The following AVEN variants were observed in gnomAD, a reference collection of about 807,000 sequenced individuals.
AVEN encodes the protein cell death regulator Aven.
A neutral mutation model predicts 38.1 loss-of-function variants in AVEN; 41 were observed. That is an observed-to-expected ratio of 1.08 (90% CI 0.84 to 1.40). The LOEUF (loss-of-function observed/expected upper bound fraction) is 1.40, where lower values mean the gene tolerates loss of function less well. Among genes scored for constraint, AVEN ranks in the 40% most tolerant of loss-of-function variants. The pLI is 0.00. For missense variants in AVEN, 605 were observed against 438.8 expected, an observed-to-expected ratio of 1.38 and a Z score of -3.38; for synonymous variants, 206 against 171.8, an observed-to-expected ratio of 1.20 and a Z score of -1.56.
intron 2 of AVEN, among the ~76,000 whole-genome samples, chr15:33,894,434 G>A (rs1435254804): frequency 1.3e-5 from 2 of 150,510 alleles, no homozygotes; most frequent in African/African-American, 4.9e-5. Context: ...TGAAACCACT[G>A]ACAGCTAATA....
At chr15:34,018,860 A>T (rs1226259501) in intron 1 of AVEN, among the ~76,000 whole-genome samples, 2 of 89,518 alleles carry the variant, frequency 2.2e-5, no homozygotes, top group East Asian at 2.6e-4. Context: ...CAGAGTGCTG[A>T]TCAGTGCATT....
downstream of AVEN, among the ~76,000 whole-genome samples, chr15:33,861,420 C>T (rs1888159833): frequency 6.6e-6 from 1 of 152,048 alleles, no homozygotes; most frequent in Admixed American, 6.5e-5. Context: ...CCATCCGGGA[C>T]ACATACCTCC....
chr15:34,008,438 A>G (rs1338816655), intron 1 of AVEN, among the ~76,000 whole-genome samples: 2 of 151,062 alleles, frequency 1.3e-5, no homozygotes, highest in Non-Finnish European at 2.9e-5. Context: ...AAAAAAAAAA[A>G]GAAGAAAAAT....
rs886640378 is a variant in AVEN, at chr15:33,979,514, A to G, written c.445+23518T>C. 3.9e-5 allele frequency among the ~76,000 whole-genome samples: 6 copies of G among 152,330 alleles called. No homozygotes were observed. The South Asian group carries it at 1.0e-3, about 26-fold the overall frequency. On this transcript the variant is annotated intron_variant, in intron 2 of 5. Coordinates refer to ENST00000306730, the MANE Select transcript of AVEN (RefSeq NM_020371.3). ...ACAAGCAAGCAAATAAAACTGCACT[A>G]TTTATGAACCTACAGAAAACACTCT...
At chr15:33,858,099 G>T, downstream of AVEN, 1 of 777,988 alleles carries the variant, frequency 1.3e-6, no homozygotes, top group Non-Finnish European at 2.0e-6. Flanking sequence ...TGGGAAGACA[G>T]AAGTGATGGA....
rs1892499117 is a variant in AVEN, at chr15:33,901,569, T to C, written c.446-25574A>G. Among the ~76,000 whole-genome samples, 7 of 152,236 alleles carry C rather than the reference T, an allele frequency of 4.6e-5. No individual in the cohort carries two copies. The South Asian group carries it at 1.4e-3, about 31-fold the overall frequency. On this transcript the variant is annotated intron_variant, in intron 2 of 5. Transcript: ENST00000306730. The stretch of plus-strand genomic sequence containing the variant: ...CTAGGTCATATGGCAGTTCTATTTT[T>C]AGTTTATTTAGGAACCTCCATACTG...
intron 2 of AVEN, among the ~76,000 whole-genome samples, chr15:33,907,801 A>AC (rs1892763746): frequency 6.6e-6 from 1 of 152,140 alleles, no homozygotes; most frequent in African/African-American, 2.4e-5. Context: ...AAAAAAAAAA[A>AC]AAACTATATG....
intron 5 of AVEN, among the ~76,000 whole-genome samples, chr15:34,051,902 C>A (rs1899936640): frequency 6.6e-6 from 1 of 151,958 alleles, no homozygotes; most frequent in African/African-American, 2.4e-5. Context: ...AGATTTACAG[C>A]AGAATTCTAC....
At chr15:34,069,158 A>G (rs1280199124) in intron 2 of AVEN, among the ~76,000 whole-genome samples, 1 of 150,552 alleles carries the variant, frequency 6.6e-6, no homozygotes, top group East Asian at 2.1e-4. Context: ...GCGGTGGCTC[A>G]TGCCTGTAAT....
At chr15:33,976,417 A>G (rs144099293) in intron 2 of AVEN, among the ~76,000 whole-genome samples, 54 of 152,296 alleles carry the variant, frequency 3.5e-4, no homozygotes, top group African/African-American at 1.2e-3. Context: ...TTCAATTTTA[A>G]GTAGAGTTAT....
intron 11 of AVEN, chr15:33,860,623 A>G (rs746322801): frequency 1.1e-5 from 17 of 1,594,108 alleles, no homozygotes; most frequent in Non-Finnish European, 1.4e-5. Flanking sequence ...TCGGAGAGCT[A>G]AGAGACCAGC....
intron 2 of AVEN, among the ~76,000 whole-genome samples, chr15:33,915,099 G>A (rs1208450876): frequency 1.3e-5 from 2 of 152,120 alleles, no homozygotes; most frequent in South Asian, 2.1e-4. Flanking sequence ...CAAGTCTGGG[G>A]CAATTTGATA....
intron 5 of AVEN, among the ~76,000 whole-genome samples, chr15:34,046,313 GAA>G (rs1899677843): frequency 1.6e-5 from 2 of 128,090 alleles, no homozygotes; most frequent in Admixed American, 8.6e-5. Context: ...TAGGAATCAG[GAA>G]AAGTTATTCT....
intron 2 of AVEN, among the ~76,000 whole-genome samples, chr15:33,960,433 GT>G (rs1895118080): frequency 2.2e-5 from 3 of 137,230 alleles, no homozygotes; most frequent in Non-Finnish European, 3.0e-5. Context: ...GTGTGTGTGT[GT>G]TGTGTGTGTG....
rs191890842 is a variant in AVEN, at chr15:33,889,817, C to T, written c.446-13822G>A. ...TTCAGGTCATGTCCTTTGAGACTAA[C>T]GGAGCAGCTGTGGCTTCTTGTCACA... On this transcript the variant is annotated intron_variant, in intron 2 of 5. Transcript: ENST00000306730. Among the ~76,000 whole-genome samples the T allele has an allele frequency of 4.9e-3, 746 of 152,226 alleles. 3 individuals carry two copies. The highest frequency in any genetic ancestry group is 8.9e-3 in the Non-Finnish European group (607 of 68,002).
chr15:34,068,146 T>A (rs1445551191), intron 2 of AVEN, among the ~76,000 whole-genome samples: 1 of 152,018 alleles, frequency 6.6e-6, no homozygotes, highest in Non-Finnish European at 1.5e-5. Context: ...GTGTGCACAT[T>A]TTTTTCTCAA....
At chr15:34,039,241 G>T, upstream of AVEN, 2 of 290,484 alleles carry the variant, frequency 6.9e-6, no homozygotes, top group African/African-American at 2.3e-5. Flanking sequence ...CGTCCCGCAG[G>T]TGGGGCCGGA....
downstream of AVEN, among the ~76,000 whole-genome samples, chr15:33,857,219 G>C (rs1374037344): frequency 1.5e-5 from 2 of 136,178 alleles, no homozygotes; most frequent in Non-Finnish European, 3.1e-5. Flanking sequence ...TTCTGGAGGC[G>C]GTAAGTAAGT....
intron 2 of AVEN, among the ~76,000 whole-genome samples, chr15:33,911,593 T>TCC (rs974436264): frequency 2.7e-4 from 41 of 152,296 alleles, no homozygotes; most frequent in African/African-American, 9.9e-4. Flanking sequence ...TGCTGGGCTC[T>TCC]CCCAGGGTCA....
Sources: gnomAD v4.1 joint callset for allele counts (sites outside exome capture counted in the v4.1 genomes callset) on GRCh38, gnomAD v4.1.1 for gene constraint, MANE v1.5 for transcripts, NCBI Gene and HGNC (gene_info 2026-07-23, HGNC 2026-07-21) for gene names.